The following ADCK1 variants were observed in gnomAD, a reference collection of about 807,000 sequenced individuals.
The protein encoded by ADCK1 is aarF domain containing kinase 1.
Under a neutral mutation model 52.3 loss-of-function variants are expected in ADCK1, and 41 were observed. The ratio of observed to expected loss-of-function variants is 0.78; its 90% confidence interval spans 0.61 to 1.02. The LOEUF (loss-of-function observed/expected upper bound fraction) is 1.02, where lower values mean the gene tolerates loss of function less well. Ranked by LOEUF, ADCK1 falls within the 50% of genes least tolerant of loss-of-function variation. The pLI is 0.00. For missense variants in ADCK1, 658 were observed against 679.5 expected, an observed-to-expected ratio of 0.97 and a Z score of 0.35; for synonymous variants, 250 against 274.6, an observed-to-expected ratio of 0.91 and a Z score of 0.89.
chr14:77,913,826 C>A (rs2140271789), intron 7 of ADCK1, among the ~76,000 whole-genome samples: 1 of 152,196 alleles, frequency 6.6e-6, no homozygotes, highest in Non-Finnish European at 1.5e-5. Context: ...GAAGGGACAC[C>A]AGCCTGGCTG....
chr14:77,864,931 A>T (rs938962266), intron 4 of ADCK1, among the ~76,000 whole-genome samples: 1 of 152,182 alleles, frequency 6.6e-6, no homozygotes, highest in East Asian at 1.9e-4. Context: ...ATCTGATTGC[A>T]TGAGGCCCAC....
At chr14:77,930,417 AT>A (rs1239067551) in intron 9 of ADCK1, among the ~76,000 whole-genome samples, 1 of 152,144 alleles carries the variant, frequency 6.6e-6, no homozygotes, top group Non-Finnish European at 1.5e-5. Context: ...CTCAGACCTT[AT>A]CTCTGGTGAC....
chr14:77,915,072 T>A (rs2083886706), intron 7 of ADCK1, among the ~76,000 whole-genome samples: 1 of 152,226 alleles, frequency 6.6e-6, no homozygotes, highest in Non-Finnish European at 1.5e-5. Flanking sequence ...TGGTAGAAGA[T>A]GCCCAGACCA....
intron 6 of ADCK1, among the ~76,000 whole-genome samples, chr14:77,906,669 T>A (rs1352135562): frequency 6.6e-6 from 1 of 152,250 alleles, no homozygotes; most frequent in African/African-American, 2.4e-5. Flanking sequence ...CTCAGATTTT[T>A]AAATTTTTTT....
Position 77,872,488 on chromosome 14 carries a change from C to A in ADCK1, c.423+13209C>A, listed in dbSNP as rs568971351. ...CAATCATAAGGTGGCTGAGGAGGTTCTTGAAGAAGAGGGAAGTGGGGTGTT... is the reference window on the plus strand; with the variant it reads ...CAATCATAAGGTGGCTGAGGAGGTTATTGAAGAAGAGGGAAGTGGGGTGTT... On this transcript the variant is annotated intron_variant, in intron 4 of 10. Transcript: ENST00000238561. 2.4e-4 allele frequency among the ~76,000 whole-genome samples: 37 copies of A among 151,976 alleles called. No individual in the cohort carries two copies. In the East Asian group the frequency reaches 6.6e-3, roughly 27 times the overall value.
chr14:77,858,444 C>T (rs2082469793), intron 3 of ADCK1, among the ~76,000 whole-genome samples: 1 of 151,880 alleles, frequency 6.6e-6, no homozygotes, highest in African/African-American at 2.4e-5. Flanking sequence ...GTTTCACCAT[C>T]TTGGCCAGGC....
rs532196483 is a variant in ADCK1, at chr14:77,878,873, A to G, written c.424-8218A>G. Among the ~76,000 whole-genome samples, 10 of 152,308 alleles carry G rather than the reference A, an allele frequency of 6.6e-5. 1 individual carries two copies. The South Asian group carries it at 2.1e-3, about 32-fold the overall frequency. On this transcript the variant is annotated intron_variant, in intron 4 of 10. Transcript: ENST00000238561. The stretch of plus-strand genomic sequence containing the variant: ...TATCAAATGTCAGTGCCTGTGGCCT[A>G]CAATTTACAGAAGGTTTGCTTAAAC...
At chr14:77,931,439 C>A in intron 9 of ADCK1, 79 bp from the exon 10 acceptor site, 1 of 1,457,982 alleles carries the variant, frequency 6.9e-7, no homozygotes, top group Non-Finnish European at 9.4e-7. Context: ...CCTCTGGTCA[C>A]AGCCTGCCAG....
chr14:77,861,081 G>A (rs1230524312), intron 4 of ADCK1, among the ~76,000 whole-genome samples: 1 of 152,128 alleles, frequency 6.6e-6, no homozygotes, highest in Admixed American at 6.5e-5. Flanking sequence ...GATCTTCAGG[G>A]CCCCTTCTCC....
chr14:77,833,390 G>A (rs185333161), intron 3 of ADCK1, among the ~76,000 whole-genome samples: 12 of 152,232 alleles, frequency 7.9e-5, no homozygotes, highest in African/African-American at 2.9e-4. Flanking sequence ...GTTTGCTTGG[G>A]AGTGTTCTGC....
chr14:77,874,250 A>G (rs2140173600), intron 4 of ADCK1, among the ~76,000 whole-genome samples: 1 of 152,346 alleles, frequency 6.6e-6, no homozygotes, highest in Non-Finnish European at 1.5e-5. Context: ...ATTTTATGGT[A>G]CAGAAAGAGC....
intron 3 of ADCK1, 27 bp from the exon 4 acceptor site, chr14:77,859,049 C>T (rs2082485314): frequency 6.4e-7 from 1 of 1,572,194 alleles, no homozygotes; most frequent in Non-Finnish European, 8.6e-7. Flanking sequence ...ACTCACACCT[C>T]TCTGGTCCTG....
intron 4 of ADCK1, among the ~76,000 whole-genome samples, chr14:77,863,846 A>G (rs374512478): frequency 2.0e-5 from 3 of 152,198 alleles, no homozygotes; most frequent in African/African-American, 7.2e-5. Context: ...CAAAAAGAAA[A>G]AAAAAAAGAA....
intron 4 of ADCK1, 127 bp from the exon 5 acceptor site, chr14:77,886,964 C>G (rs2083168075): frequency 4.8e-6 from 5 of 1,037,688 alleles, no homozygotes; most frequent in African/African-American, 1.6e-5. Flanking sequence ...CACACACTCT[C>G]TCTCTCTTTC....
At chr14:77,818,794 A>C (rs1384645379) in intron 1 of ADCK1, among the ~76,000 whole-genome samples, 174 bp from the exon 2 acceptor site, 7 of 152,190 alleles carry the variant, frequency 4.6e-5, no homozygotes, top group Admixed American at 4.6e-4. Context: ...ATTTTATCCC[A>C]ACTACTTTTG....
At chr14:77,919,658 A>G (rs1461534696) in intron 7 of ADCK1, among the ~76,000 whole-genome samples, 2 of 152,232 alleles carry the variant, frequency 1.3e-5, no homozygotes, top group East Asian at 3.8e-4. Flanking sequence ...AGGAATCTCC[A>G]CACTGTTTCC....
rs747364896 is a variant in ADCK1, at chr14:77,931,726, C to T, written c.1400+15C>T. On this transcript the variant is annotated intron_variant, in intron 10 of 10. Transcript: ENST00000238561. ...GCGCTAGCTGAGTGAGTGTGGGCTC[C>T]TCCCTCTCCTCCCCTCCTAGCCCCC... The T allele has an allele frequency of 1.3e-6, 2 of 1,595,072 alleles. No homozygotes were observed. Among genetic ancestry groups the T allele is most frequent in the East Asian group, 2.2e-5 (1 of 44,806 alleles).
At chr14:77,916,115 G>A (rs1326959062) in intron 7 of ADCK1, among the ~76,000 whole-genome samples, 2 of 152,124 alleles carry the variant, frequency 1.3e-5, no homozygotes, top group African/African-American at 2.4e-5. Context: ...CCCAGGTAAG[G>A]TGGAAAGATA....
intron 4 of ADCK1, among the ~76,000 whole-genome samples, chr14:77,881,088 TACCC>T (rs1461099087): frequency 1.3e-5 from 2 of 152,216 alleles, no homozygotes; most frequent in African/African-American, 4.8e-5. Context: ...CATAACAAAT[TACCC>T]ACGTCCCACC....
Sources: allele counts gnomAD v4.1 joint callset (sites outside exome capture counted in the v4.1 genomes callset), GRCh38; gene constraint gnomAD v4.1.1; transcripts MANE v1.5; gene names NCBI Gene and HGNC (gene_info 2026-07-23, HGNC 2026-07-21).